Variants in SASH1 observed in about 807,000 individuals in gnomAD.
SASH1 encodes SAM and SH3 domain containing 1.
Under a neutral mutation model 125.2 loss-of-function variants are expected in SASH1, and 44 were observed. The ratio of observed to expected loss-of-function variants is 0.35; its 90% CI spans 0.28 to 0.45. The LOEUF is 0.45. Among genes scored for constraint, SASH1 ranks in the 20% least tolerant of loss-of-function variants. The probability of loss-of-function intolerance (pLI) is 1.00; values close to 1 mark genes in which losing one functional copy is unlikely to be tolerated. For synonymous variants in SASH1, 639 were observed against 649.1 expected, an observed-to-expected ratio of 0.98 and a Z score of 0.24; for missense variants, 1,426 against 1,614.5, an observed-to-expected ratio of 0.88 and a Z score of 2.00.
chr6:148,446,094 T>TTTTTTTTTTTTTTTTTTTTC (rs1562416391), intron 4 of SASH1, among the ~76,000 whole-genome samples: 4 of 5,080 alleles, frequency 7.9e-4, no homozygotes, highest in African/African-American at 2.7e-3. Context: ...GGTTCTTTTT[T>TTTTTTTTTTTTTTTTTTTTC]TTTTTTTTTT....
chr6:148,341,420 G>A (rs149204540), upstream of SASH1, among the ~76,000 whole-genome samples: 127 of 147,600 alleles, frequency 8.6e-4, 2 homozygotes, highest in East Asian at 0.02. Context: ...TGATTCGCCC[G>A]CCTCAGCCTC....
intron 1 of SASH1, among the ~76,000 whole-genome samples, chr6:148,288,731 A>T (rs1779551078): frequency 6.6e-6 from 1 of 151,926 alleles, no homozygotes; most frequent in Admixed American, 6.6e-5. Flanking sequence ...GGCTGAGGCC[A>T]CTCTAAGATC....
intron 4 of SASH1, among the ~76,000 whole-genome samples, chr6:148,447,988 C>T (rs570500630): frequency 1.3e-5 from 2 of 152,128 alleles, no homozygotes; most frequent in Admixed American, 1.3e-4. Context: ...TCCATTCAAT[C>T]TTAAAACCTC....
chr6:148,249,847 G>A, the SASH1 span, among the ~76,000 whole-genome samples: 1 of 152,120 alleles, frequency 6.6e-6, no homozygotes, highest in South Asian at 2.1e-4. Flanking sequence ...GTGCACCGCG[G>A]ATTCTCAATA....
At chr6:148,538,018 A>G (rs919790491) in intron 16 of SASH1, among the ~76,000 whole-genome samples, 3 of 152,260 alleles carry the variant, frequency 2.0e-5, no homozygotes, top group East Asian at 1.9e-4. Flanking sequence ...CCACGCTGAC[A>G]AGTGTGGGAA....
chr6:148,313,412 A>G (rs898399698), intron 1 of SASH1, among the ~76,000 whole-genome samples: 2 of 152,156 alleles, frequency 1.3e-5, no homozygotes, highest in African/African-American at 4.8e-5. Flanking sequence ...GGTACATCAC[A>G]TATTTTTCCA....
At chr6:148,222,167 C>G in the SASH1 span, among the ~76,000 whole-genome samples, 1 of 152,126 alleles carries the variant, frequency 6.6e-6, no homozygotes, top group Non-Finnish European at 1.5e-5. Context: ...AAATGTATTC[C>G]CATGCAATGG....
intron 1 of SASH1, among the ~76,000 whole-genome samples, chr6:148,307,076 CTTTCTTTCTTTCTTTCTT>C (rs1562316646): frequency 1.4e-5 from 2 of 146,784 alleles, no homozygotes; most frequent in African/African-American, 2.6e-5. Flanking sequence ...TTCTTTCTTT[CTTTCTTTCTTTCTTTCTT>C]TCTCTCTCTC....
intron 4 of SASH1, among the ~76,000 whole-genome samples, chr6:148,458,754 C>G (rs1323144556): frequency 3.3e-5 from 5 of 151,970 alleles, no homozygotes; most frequent in African/African-American, 1.2e-4. Context: ...TTGCTTGAGG[C>G]CAGGACAAGA....
intron 1 of SASH1, among the ~76,000 whole-genome samples, chr6:148,334,766 C>T (rs1181676013): frequency 2.0e-5 from 3 of 149,668 alleles, no homozygotes; most frequent in African/African-American, 4.9e-5. Context: ...GAGCCGAGAT[C>T]GCACCACTGC....
At chr6:148,356,372 A>G (rs1427475774) in intron 1 of SASH1, among the ~76,000 whole-genome samples, 2 of 151,350 alleles carry the variant, frequency 1.3e-5, no homozygotes, top group African/African-American at 4.9e-5. Flanking sequence ...GGCATGAGCC[A>G]CCACACACAG....
chr6:148,370,573 C>T (rs550694542), intron 1 of SASH1, among the ~76,000 whole-genome samples: 1 of 152,196 alleles, frequency 6.6e-6, no homozygotes, highest in Admixed American at 6.5e-5. Context: ...CCTGTAATCC[C>T]AGCACTTTGG....
Position 148,548,476 on chromosome 6 carries a change from G to A in SASH1, c.3662G>A (p.Gly1221Asp). The change falls in exon 20 of 20, where the codon GGC becomes GAC. Residue 1221 changes from glycine (G) to aspartate (D), a missense_variant. Physicochemically the swap from Gly to Asp is moderately conservative, Grantham distance 94. This residue lies in a region of SASH1 where 634 missense variants were observed against 694.4 expected (regional missense o/e 0.91). Coordinates refer to ENST00000367467, the MANE Select transcript of SASH1 (RefSeq NM_015278.5). Reference protein sequence around the residue: ...SLSHTCLQEAGITEERHIRKL... With the variant: ...SLSHTCLQEADITEERHIRKL... ...TCTCACACTTGCCTTCAGGAGGCCG[G>A]CATCACAGAGGAGAGACACATAAGA... 6.2e-7 allele frequency: 1 copy of A among 1,614,204 alleles called. No homozygotes were observed. Among genetic ancestry groups the A allele is most frequent in the Non-Finnish European group, 8.5e-7 (1 of 1,180,038 alleles).
chr6:148,358,137 A>T (rs984991256), intron 1 of SASH1, among the ~76,000 whole-genome samples: 19 of 152,094 alleles, frequency 1.2e-4, no homozygotes, highest in African/African-American at 4.3e-4. Context: ...TTAAAAAAAA[A>T]ATCAAGATTT....
At chr6:148,472,260 C>T (rs1778153871) in intron 6 of SASH1, among the ~76,000 whole-genome samples, 1 of 152,066 alleles carries the variant, frequency 6.6e-6, no homozygotes, top group Admixed American at 6.6e-5. Context: ...TGTGGAACGT[C>T]TGTCTAATTA....
chr6:148,512,423 C>G, intron 8 of SASH1: 3 of 969,876 alleles, frequency 3.1e-6, no homozygotes, highest in Non-Finnish European at 3.7e-6. Context: ...ATCAAGAGAG[C>G]AGAATGTTTT....
At chr6:148,458,338 A>C (rs1035371956) in intron 4 of SASH1, among the ~76,000 whole-genome samples, 1 of 152,250 alleles carries the variant, frequency 6.6e-6, no homozygotes, top group Non-Finnish European at 1.5e-5. Flanking sequence ...TCTGCCAGAC[A>C]CTGACACTTG....
chr6:148,319,598 C>T (rs1200694565), intron 1 of SASH1, among the ~76,000 whole-genome samples: 4 of 151,968 alleles, frequency 2.6e-5, no homozygotes, highest in African/African-American at 9.7e-5. Flanking sequence ...CTCACCACAA[C>T]CTCCCCTCCC....
At chr6:148,322,912 T>TTCTTTCTTCTTTCTCTC (rs1780681436) in intron 1 of SASH1, among the ~76,000 whole-genome samples, 1 of 118,440 alleles carries the variant, frequency 8.4e-6, no homozygotes, top group South Asian at 2.9e-4. Context: ...CTCTCTTTCT[T>TTCTTTCTTCTTTCTCTC]TCTTTTTTCT....
Sources: gnomAD v4.1 joint callset for allele counts (sites outside exome capture counted in the v4.1 genomes callset) on GRCh38, gnomAD v4.1.1 for gene constraint, gnomAD v4.1.1 regional missense constraint, MANE v1.5 for transcripts, NCBI Gene and HGNC (gene_info 2026-07-23, HGNC 2026-07-21) for gene names.